Variants in CAMK4 observed in about 807,000 individuals in gnomAD.
The protein encoded by CAMK4 is calcium/calmodulin dependent protein kinase IV.
CAMK4 carries 22 observed loss-of-function variants against 44.9 expected under a neutral mutation model. That is an observed-to-expected ratio of 0.49 (90% CI 0.35 to 0.70). The LOEUF (loss-of-function observed/expected upper bound fraction) is 0.70, where lower values mean the gene tolerates loss of function less well. Ranked by LOEUF, CAMK4 falls within the 30% of genes least tolerant of loss-of-function variation. CAMK4 has a pLI of 0.01. For missense variants in CAMK4, 498 were observed against 586.8 expected (o/e 0.85, Z 1.56); for synonymous variants, 218 against 215.4 (o/e 1.01, Z -0.11).
At chr5:111,380,686 A>G (rs754242977) in intron 4 of CAMK4, among the ~76,000 whole-genome samples, 2 of 152,130 alleles carry the variant, frequency 1.3e-5, no homozygotes, top group South Asian at 4.1e-4. Flanking sequence ...CCTGCAAAGG[A>G]TATGATCCAT....
At position 111,290,137 on chromosome 5, in the gene CAMK4, TG is replaced by T. The variant is rs1751388740; in HGVS notation, c.162-53885del. On this transcript the variant is annotated intron_variant, in intron 1 of 10. Coordinates refer to ENST00000282356, the MANE Select transcript of CAMK4 (RefSeq NM_001744.6). The surrounding 1 kb of genome is among the most constrained non-coding windows in gnomAD (Gnocchi z 4.5). Reference sequence around the variant, plus strand: ...CTGTCAAGTATCGTATATATGCCATTGGTTCAACACATAAACCCTGTTTTGG... The same window carrying T: ...CTGTCAAGTATCGTATATATGCCATTGTTCAACACATAAACCCTGTTTTGG... Among the ~76,000 whole-genome samples the T allele has an allele frequency of 6.6e-6, 1 of 152,166 alleles. No homozygotes were observed. The highest frequency in any genetic ancestry group is 2.4e-5 in the African/African-American group (1 of 41,442).
At chr5:111,253,352 G>A (rs998582844) in intron 1 of CAMK4, among the ~76,000 whole-genome samples, 1 of 152,174 alleles carries the variant, frequency 6.6e-6, no homozygotes, top group African/African-American at 2.4e-5. Flanking sequence ...CCAGCAGCAG[G>A]TGCCGGCTGC....
rs1339085885 is a variant in CAMK4 at position 111,394,762 on chromosome 5, CAAATCCTGGAGGCAGTTGCTGT to C, written c.442_459+4del. The C allele has an allele frequency of 1.2e-6, 2 of 1,611,508 alleles. No homozygotes were observed. The highest frequency in any genetic ancestry group is 1.7e-6 in the Non-Finnish European group (2 of 1,178,056). Reference sequence around the variant, plus strand: ...GCGAGATGCTGCAGATGCCGTTAAACAAATCCTGGAGGCAGTTGCTGTAAGTATGAAGTAACAGCAATGGTGT... The same window carrying C: ...GCGAGATGCTGCAGATGCCGTTAAACAAGTATGAAGTAACAGCAATGGTGT... On this transcript the variant is annotated splice_donor_variant and coding_sequence_variant, in exon 5 of 11. Transcript: ENST00000282356. LOFTEE classifies it high-confidence loss of function.
chr5:111,441,812 A>G (rs1018976039), intron 5 of CAMK4, among the ~76,000 whole-genome samples: 1 of 152,186 alleles, frequency 6.6e-6, no homozygotes, highest in African/African-American at 2.4e-5. Context: ...TCTTGGTAAG[A>G]TATGTTTCTC....
chr5:111,327,765 A>G (rs1309165429), intron 1 of CAMK4, among the ~76,000 whole-genome samples: 1 of 150,042 alleles, frequency 6.7e-6, no homozygotes, highest in Non-Finnish European at 1.5e-5. Context: ...GCCAGTGATG[A>G]TGAGCATTTT....
At chr5:111,251,590 C>A (rs1749495489) in intron 1 of CAMK4, among the ~76,000 whole-genome samples, 1 of 152,208 alleles carries the variant, frequency 6.6e-6, no homozygotes, top group South Asian at 2.1e-4. Flanking sequence ...AAATAAAAAA[C>A]AAATACAGCT....
At chr5:111,271,890 C>G (rs930676230) in intron 1 of CAMK4, among the ~76,000 whole-genome samples, 3 of 152,122 alleles carry the variant, frequency 2.0e-5, no homozygotes, top group Non-Finnish European at 4.4e-5. Context: ...AGGTAGAGAA[C>G]AAAATGGACA....
At chr5:111,321,055 A>G (rs1210481340) in intron 1 of CAMK4, among the ~76,000 whole-genome samples, 3 of 152,152 alleles carry the variant, frequency 2.0e-5, no homozygotes, top group Non-Finnish European at 4.4e-5. Flanking sequence ...AATAAGCTCT[A>G]ATAATTGATA....
At chr5:111,408,859 C>T (rs567589263) in intron 5 of CAMK4, among the ~76,000 whole-genome samples, 2 of 152,260 alleles carry the variant, frequency 1.3e-5, no homozygotes, top group South Asian at 2.1e-4. Flanking sequence ...TCCAATGGGG[C>T]AGAAAAATCT....
chr5:111,301,035 G>A (rs1747697196), intron 1 of CAMK4, among the ~76,000 whole-genome samples: 1 of 151,504 alleles, frequency 6.6e-6, no homozygotes, highest in African/African-American at 2.4e-5. Context: ...CGTAAGTGAA[G>A]TCCACATGCT....
chr5:111,388,213 GT>G (rs1298589661), intron 4 of CAMK4, among the ~76,000 whole-genome samples: 2 of 152,146 alleles, frequency 1.3e-5, no homozygotes, highest in Admixed American at 6.6e-5. Flanking sequence ...CTTGAGTTTT[GT>G]GCCCTTGCCC....
intron 5 of CAMK4, among the ~76,000 whole-genome samples, chr5:111,436,476 CT>C (rs917353034): frequency 6.6e-6 from 1 of 152,156 alleles, no homozygotes; most frequent in Non-Finnish European, 1.5e-5. Context: ...TTCTTTTCCC[CT>C]ATGACATTGC....
intron 5 of CAMK4, among the ~76,000 whole-genome samples, chr5:111,411,856 A>G (rs1752643507): frequency 6.6e-6 from 1 of 152,210 alleles, no homozygotes; most frequent in Non-Finnish European, 1.5e-5. Flanking sequence ...TCTTCAAGAT[A>G]TAGAGTAACA....
At chr5:111,397,851 G>A (rs1205461477) in intron 5 of CAMK4, among the ~76,000 whole-genome samples, 1 of 151,968 alleles carries the variant, frequency 6.6e-6, no homozygotes, top group Non-Finnish European at 1.5e-5. Flanking sequence ...TGAGGGGAGA[G>A]GGACATGTGC....
intron 1 of CAMK4, among the ~76,000 whole-genome samples, chr5:111,225,516 C>T (rs1748147384): frequency 6.6e-6 from 1 of 152,046 alleles, no homozygotes; most frequent in Non-Finnish European, 1.5e-5. Flanking sequence ...TTATTTTCAA[C>T]ACTTATTTTA....
intron 5 of CAMK4, among the ~76,000 whole-genome samples, chr5:111,427,719 T>C (rs1001402657): frequency 2.6e-5 from 4 of 152,196 alleles, no homozygotes; most frequent in Admixed American, 2.6e-4. Context: ...TCAGCTGCAA[T>C]ACAACAGAAT....
At chr5:111,289,492 A>G (rs1313676383) in intron 1 of CAMK4, among the ~76,000 whole-genome samples, 3 of 152,242 alleles carry the variant, frequency 2.0e-5, no homozygotes, top group Non-Finnish European at 4.4e-5. Flanking sequence ...GCCTGTCACA[A>G]TCTCTAAAAG....
rs920292647 is a variant in CAMK4 at position 111,288,357 on chromosome 5, A to G, written c.162-55667A>G. ...AGAGGATTGGTGCTCATAGGGATGC[A>G]TATTTTTGCTTCATTAGATAAAATG... On this transcript the variant is annotated intron_variant, in intron 1 of 10. Coordinates refer to ENST00000282356, the MANE Select transcript of CAMK4 (RefSeq NM_001744.6). Among the ~76,000 whole-genome samples the G allele has an allele frequency of 2.0e-5, 3 of 152,224 alleles. No homozygotes were observed. In the East Asian group the frequency reaches 5.8e-4, roughly 29 times the overall value.
intron 8 of CAMK4, among the ~76,000 whole-genome samples, chr5:111,475,785 A>AT (rs1347115297): frequency 1.3e-5 from 2 of 151,914 alleles, no homozygotes; most frequent in Non-Finnish European, 2.9e-5. Flanking sequence ...CGACTGGCAC[A>AT]TTTTCTCTGG....
Sources: allele counts gnomAD v4.1 joint callset (sites outside exome capture counted in the v4.1 genomes callset), GRCh38; gene constraint gnomAD v4.1.1; non-coding constraint Gnocchi (gnomAD v3.1); transcripts MANE v1.5; gene names NCBI Gene and HGNC (gene_info 2026-07-23, HGNC 2026-07-21).